Variants in PDS5A observed in about 807,000 individuals in gnomAD.
The protein encoded by PDS5A is sister chromatid cohesion protein PDS5 homolog A.
Under a neutral mutation model 167.1 loss-of-function variants are expected in PDS5A, and 42 were observed. The ratio of observed to expected loss-of-function variants is 0.25; its 90% CI spans 0.20 to 0.33. The LOEUF (loss-of-function observed/expected upper bound fraction) is 0.33. Ranked by LOEUF, PDS5A falls within the 10% of genes least tolerant of loss-of-function variation. PDS5A has a pLI of 1.00. For synonymous variants in PDS5A, 553 were observed against 554.6 expected (o/e 1.00, Z 0.04); for missense variants, 1,033 against 1,605.9 (o/e 0.64, Z 6.10).
At chr4:39,908,698 G>A in intron 10 of PDS5A, 158 bp from the exon 11 acceptor site, 1 of 600,392 alleles carries the variant, frequency 1.7e-6, no homozygotes, top group South Asian at 2.1e-5. Context: ...TACAGCAGCA[G>A]TACTCTACTG....
chr4:39,922,889 A>T, intron 5 of PDS5A, 141 bp from the exon 6 acceptor site: 2 of 1,030,706 alleles, frequency 1.9e-6, no homozygotes, highest in Non-Finnish European at 1.3e-6. Flanking sequence ...AGTGCCAATA[A>T]TGGCAGAGAA....
chr4:39,921,137 T>G (rs974035027), intron 6 of PDS5A, among the ~76,000 whole-genome samples: 1 of 152,216 alleles, frequency 6.6e-6, no homozygotes, highest in South Asian at 2.1e-4. Flanking sequence ...TCAGCAAACT[T>G]TTTCTATGAA....
intron 22 of PDS5A, among the ~76,000 whole-genome samples, chr4:39,867,381 T>C (rs1431317831): frequency 1.3e-5 from 2 of 152,016 alleles, no homozygotes; most frequent in African/African-American, 2.4e-5. Context: ...TGAAAACATA[T>C]ACTTTAAAAA....
chr4:39,863,132 T>G, intron 24 of PDS5A, 59 bp from the exon 25 acceptor site: 6 of 1,301,544 alleles, frequency 4.6e-6, no homozygotes, highest in Non-Finnish European at 6.6e-6. Flanking sequence ...AAACAGCAGT[T>G]TAAGTATTTT....
chr4:39,896,823 A>T (rs1722456832), intron 16 of PDS5A, among the ~76,000 whole-genome samples: 1 of 151,666 alleles, frequency 6.6e-6, no homozygotes, highest in Non-Finnish European at 1.5e-5. Context: ...ATACAACCAC[A>T]TACAATAGCC....
At chr4:39,944,037 G>A (rs933171182) in intron 2 of PDS5A, among the ~76,000 whole-genome samples, 1 of 151,446 alleles carries the variant, frequency 6.6e-6, no homozygotes, top group African/African-American at 2.4e-5. Flanking sequence ...AATTAGCGGG[G>A]CGTGGTGGCG....
intron 32 of PDS5A, among the ~76,000 whole-genome samples, chr4:39,829,755 T>G (rs1268336824): frequency 5.3e-5 from 8 of 151,276 alleles, no homozygotes; most frequent in Non-Finnish European, 1.2e-4. Context: ...ATCAAGACCA[T>G]CCTGGCTAAC....
chr4:39,845,919 A>G, intron 28 of PDS5A, 39 bp from the exon 29 acceptor site: 1 of 1,289,408 alleles, frequency 7.8e-7, no homozygotes, highest in Non-Finnish European at 1.0e-6. Flanking sequence ...AAGAAACACC[A>G]ATCAAAGGAA....
At chr4:39,900,797 GAA>G (rs1722812536) in intron 13 of PDS5A, among the ~76,000 whole-genome samples, 1 of 151,894 alleles carries the variant, frequency 6.6e-6, no homozygotes, top group African/African-American at 2.4e-5. Context: ...TACAAGGAAA[GAA>G]AATCTCAAAG....
intron 2 of PDS5A, among the ~76,000 whole-genome samples, chr4:39,962,355 C>G (rs1729567217): frequency 6.6e-6 from 1 of 152,130 alleles, no homozygotes; most frequent in Admixed American, 6.6e-5. Context: ...CGCGCCCGGC[C>G]TCTTCCTGAG....
At chr4:39,923,638 A>AACACACACATACACACACATACACAC (rs1553902729) in intron 5 of PDS5A, among the ~76,000 whole-genome samples, 12 of 125,294 alleles carry the variant, frequency 9.6e-5, no homozygotes, top group African/African-American at 3.0e-4. Context: ...CCTGTCTCAA[A>AACACACACATACACACACATACACAC]ACACACACAC....
intron 19 of PDS5A, among the ~76,000 whole-genome samples, chr4:39,875,346 C>A (rs1195077179): frequency 6.6e-6 from 1 of 151,302 alleles, no homozygotes; most frequent in Non-Finnish European, 1.5e-5. Flanking sequence ...GTGACTATTT[C>A]GTTATATTTT....
chr4:39,900,309 T>C (rs947121856), intron 14 of PDS5A, 117 bp downstream of exon 14: 25 of 646,046 alleles, frequency 3.9e-5, no homozygotes, highest in Non-Finnish European at 6.5e-5. Flanking sequence ...TATATTTAAC[T>C]GACATTTGGA....
chr4:39,930,660 G>A (rs1266405641), intron 2 of PDS5A, among the ~76,000 whole-genome samples: 1 of 152,028 alleles, frequency 6.6e-6, no homozygotes, highest in Non-Finnish European at 1.5e-5. Flanking sequence ...AACCGTATCA[G>A]GTTTTAGTAC....
At chr4:39,892,680 A>T (rs139088963) in intron 16 of PDS5A, among the ~76,000 whole-genome samples, 3 of 152,226 alleles carry the variant, frequency 2.0e-5, no homozygotes, top group Non-Finnish European at 4.4e-5. Context: ...GCAGTGAATT[A>T]TAACAGTGTG....
intron 2 of PDS5A, among the ~76,000 whole-genome samples, chr4:39,960,269 A>AAAAAAC (rs1404603523): frequency 1.3e-5 from 2 of 152,128 alleles, no homozygotes; most frequent in Admixed American, 6.6e-5. Flanking sequence ...ACTCTGTCTC[A>AAAAAAC]AAAAACAAAA....
At chr4:39,835,204 C>CAA (rs1716279678) in intron 32 of PDS5A, among the ~76,000 whole-genome samples, 1 of 152,170 alleles carries the variant, frequency 6.6e-6, no homozygotes, top group South Asian at 2.1e-4. Flanking sequence ...CTTGGCCTCC[C>CAA]AAAGTGCTGG....
At chr4:39,911,031 G>A (rs1046036808) in intron 9 of PDS5A, among the ~76,000 whole-genome samples, 1 of 152,162 alleles carries the variant, frequency 6.6e-6, no homozygotes, top group Non-Finnish European at 1.5e-5. Flanking sequence ...CTACTTGGGA[G>A]GGTGAGGTGG....
intron 32 of PDS5A, among the ~76,000 whole-genome samples, chr4:39,829,669 C>T (rs569835953): frequency 9.2e-4 from 135 of 146,182 alleles, no homozygotes; most frequent in Middle Eastern, 4.4e-3. Context: ...AAAAAATTTC[C>T]GGCCAGGCGC....
Sources: gnomAD v4.1 joint callset for allele counts (sites outside exome capture counted in the v4.1 genomes callset) on GRCh38, gnomAD v4.1.1 for gene constraint, MANE v1.5 for transcripts, NCBI Gene and HGNC (gene_info 2026-07-23, HGNC 2026-07-21) for gene names.